APLP1: variants seen among roughly 807,000 people sequenced by gnomAD.
The protein encoded by APLP1 is amyloid beta precursor like protein 1.
A neutral mutation model predicts 84.5 loss-of-function variants in APLP1; 46 were observed. The observed-to-expected ratio is 0.54, with a 90% CI of 0.43 to 0.70. The LOEUF (loss-of-function observed/expected upper bound fraction) is 0.70. Among genes scored for constraint, APLP1 ranks in the 30% least tolerant of loss-of-function variants. APLP1 has a pLI of 0.00. For synonymous variants in APLP1, 376 were observed against 364.0 expected, an observed-to-expected ratio of 1.03 and a Z score of -0.38; for missense variants, 826 against 900.2, an observed-to-expected ratio of 0.92 and a Z score of 1.05.
In APLP1 at chr19:35,874,405, C is replaced by T. The variant is rs949568199; in HGVS notation, c.1057-99C>T. On this transcript the variant is annotated intron_variant, in intron 8 of 16. Coordinates refer to ENST00000221891, the MANE Select transcript of APLP1 (RefSeq NM_001024807.3). This position sits in a 1 kb window ranked among gnomAD's most constrained non-coding sequence, Gnocchi z 6.4. ...TCTGCCCAGGCCTGGACCCCTGGAACGCCCCCCAACCCCATGTAGCCCTGC... is the reference window on the plus strand; with the variant it reads ...TCTGCCCAGGCCTGGACCCCTGGAATGCCCCCCAACCCCATGTAGCCCTGC... 1.9e-5 allele frequency: 28 copies of T among 1,450,034 alleles called. No homozygotes were observed. The highest frequency in any genetic ancestry group is 8.4e-5 in the African/African-American group (6 of 71,770). The allele number at this position is 1,450,034 out of a possible 1,614,324, so 89.8% of individuals were successfully genotyped here.
In APLP1 at chr19:35,877,696, C is replaced by A. The variant is rs759295055; in HGVS notation, c.1445-22C>A. 36 of 1,587,452 alleles carry A rather than the reference C, an allele frequency of 2.3e-5. 1 individual carries two copies. In the Middle Eastern group the frequency reaches 1.3e-3, roughly 56 times the overall value. ...ACCCCTATGCTCACTACCTCAGCCA[C>A]CTTTCTGCATGTCCCCCTCAGAGGA... On this transcript the variant is annotated intron_variant, in intron 11 of 16. Transcript: ENST00000221891.
chr19:35,877,906 G>C, intron 12 of APLP1, 81 bp downstream of exon 12: 1 of 1,365,278 alleles, frequency 7.3e-7, no homozygotes, highest in Admixed American at 2.1e-5. Flanking sequence ...GAGTCTGAGG[G>C]TGTCTTCACC....
chr19:35,877,272 T>C (rs1974302245), intron 11 of APLP1, among the ~76,000 whole-genome samples: 1 of 152,046 alleles, frequency 6.6e-6, no homozygotes, highest in Admixed American at 6.6e-5. Context: ...GTGGATCACT[T>C]GAGGTCAGGA....
Position 35,874,552 on chromosome 19 carries a change from C to A in APLP1, c.1105C>A (p.Arg369=), listed in dbSNP as rs762575127. ...TCTGGAGGAGCAGGTGTCTGGTGAG[C>A]GACAGCGCCTGGTGGAAACCCACGC... ...QTLEEQVSGE[R]QRLVETHATR... The change falls in exon 9 of 17, where the codon CGA becomes AGA. Residue 369 remains arginine, a synonymous_variant. Coordinates refer to ENST00000221891, the MANE Select transcript of APLP1 (RefSeq NM_001024807.3). The surrounding 1 kb of genome is among the most constrained non-coding windows in gnomAD (Gnocchi z 6.4). 4.3e-6 allele frequency: 7 copies of A among 1,614,068 alleles called. No individual in the cohort carries two copies. Among genetic ancestry groups the A allele is most frequent in the African/African-American group, 1.3e-5 (1 of 74,936 alleles).
chr19:35,873,725 C>A lies in APLP1; in HGVS notation c.1056+12C>A. Reference sequence around the variant, plus strand: ...AGGCCCTGAATGAGGTAGGACAGCCCCAGTGGGTCCTACTCATGCCTGTCC... The same window carrying A: ...AGGCCCTGAATGAGGTAGGACAGCCACAGTGGGTCCTACTCATGCCTGTCC... On this transcript the variant is annotated intron_variant, in intron 8 of 16. Transcript: ENST00000221891. 1 of 1,612,378 alleles carries A rather than the reference C, an allele frequency of 6.2e-7. No homozygotes were observed. The highest frequency in any genetic ancestry group is 8.5e-7 in the Non-Finnish European group (1 of 1,178,970).
At position 35,869,781 on chromosome 19, in the gene APLP1, C is replaced by G. The variant is rs762053064; in HGVS notation, c.262C>G (p.Pro88Ala). The change falls in exon 2 of 17, where the codon CCG becomes GCG. Residue 88 changes from proline (P) to alanine (A), a missense_variant. Transcript: ENST00000221891. ...PQRSRRCLRDPQRVLEYCRQM... is the reference protein window; with the variant it reads ...PQRSRRCLRDAQRVLEYCRQM... ...GCGCTCTCGACGCTGTCTCCGGGAC[C>G]CGCAGCGCGTGCTGGAGTACTGCAG... The G allele has an allele frequency of 1.9e-6, 3 of 1,603,792 alleles. No homozygotes were observed. The highest frequency in any genetic ancestry group is 1.7e-5 in the Admixed American group (1 of 58,754).
rs1199671974 is a variant in APLP1, at chr19:35,879,776, A to G, written c.*335A>G. ...TGTTTCCCTACTAACATCCCAATAA[A>G]GTCCTCTTCCCTACCAGGCCAGTCT... On this transcript the variant is annotated 3_prime_UTR_variant, in exon 17 of 17. Transcript: ENST00000221891. 2.3e-5 allele frequency: 6 copies of G among 264,536 alleles called. No individual in the cohort carries two copies. In the East Asian group the frequency reaches 5.1e-4, roughly 22 times the overall value. The allele number at this position is 264,536 out of a possible 1,614,324, so 16.4% of individuals were successfully genotyped here. A position where few individuals can be genotyped will look rare whatever the true frequency, so the allele number is the denominator to read the frequency against.
chr19:35,878,898 G>C lies in APLP1; in HGVS notation c.1659G>C (p.Ala553=), dbSNP rs1974342676. The change falls in exon 15 of 17, where the codon GCG becomes GCC. Residue 553 remains alanine, a synonymous_variant. Transcript: ENST00000221891. ...ACCTCCTGCTCCCCCAGGTGAATGCGTCTGTTCCAAGGGGTTTCCCTTTCC... is the reference window on the plus strand; with the variant it reads ...ACCTCCTGCTCCCCCAGGTGAATGCCTCTGTTCCAAGGGGTTTCCCTTTCC... ...PLEQYERKVN[A]SVPRGFPFHS... is the part of the protein sequence containing the mutation. 1 of 1,614,096 alleles carries C rather than the reference G, an allele frequency of 6.2e-7. No homozygotes were observed. The highest frequency in any genetic ancestry group is 8.5e-7 in the Non-Finnish European group (1 of 1,180,004).
At position 35,878,662 on chromosome 19, in the gene APLP1, A is replaced by G; in HGVS notation, c.1650+8A>G. The G allele has an allele frequency of 6.2e-7, 1 of 1,614,128 alleles. No individual in the cohort carries two copies. Among genetic ancestry groups the G allele is most frequent in the Non-Finnish European group, 8.5e-7 (1 of 1,179,980 alleles). On this transcript the variant is annotated splice_region_variant and intron_variant, in intron 14 of 16. Transcript: ENST00000221891. ...GAACAGTATGAGCGAAAGGTAAGTT[A>G]GTCAGAACTGTGGGCTCCCTAAGGG...
In APLP1 at chr19:35,871,365, C is replaced by G; in HGVS notation, c.537+16C>G. ...GGCACAGGAGGTCAGGACGTTGGCC[C>G]ACCCGTCCCCAGCCCCCACAACCCA... On this transcript the variant is annotated intron_variant, in intron 4 of 16. Transcript: ENST00000221891. 1 of 1,587,492 alleles carries G rather than the reference C, an allele frequency of 6.3e-7. No individual in the cohort carries two copies. The highest frequency in any genetic ancestry group is 1.1e-5 in the South Asian group (1 of 87,818).
chr19:35,877,985 C>A, intron 12 of APLP1, 97 bp from the exon 13 acceptor site: 1 of 1,425,930 alleles, frequency 7.0e-7, no homozygotes, highest in Non-Finnish European at 9.7e-7. Context: ...GATCCCCAAT[C>A]CTCCTTCTTA....
chr19:35,871,958 G>T lies in APLP1; in HGVS notation c.772G>T (p.Val258Leu), dbSNP rs752536466. 6.2e-7 allele frequency: 1 copy of T among 1,614,136 alleles called. No individual in the cohort carries two copies. Among genetic ancestry groups the T allele is most frequent in the Non-Finnish European group, 8.5e-7 (1 of 1,180,024 alleles). The stretch of plus-strand genomic sequence containing the variant: ...CCCACAGCCAGTAGATGATTACTTC[G>T]TGGAGCCTCCGCAGGCTGAAGAGGA... The part of the protein sequence containing the change: ...SFPQPVDDYF[V>L]EPPQAEEEEE... Residue 258 changes from valine to leucine, a missense_variant, in exon 6 of 17, where the codon GTG (valine) becomes TTG (leucine). Transcript: ENST00000221891.
intron 6 of APLP1, 46 bp from the exon 7 acceptor site, chr19:35,872,436 AC>A (rs768404865): frequency 4.4e-6 from 7 of 1,591,310 alleles, no homozygotes; most frequent in Non-Finnish European, 6.0e-6. Flanking sequence ...AGAAAAGGCG[AC>A]CTGGAGGTGG....
chr19:35,876,433 T>C, intron 10 of APLP1, 84 bp from the exon 11 acceptor site: 3 of 1,223,110 alleles, frequency 2.5e-6, no homozygotes, highest in South Asian at 1.2e-5. Flanking sequence ...TCAGTCGCTA[T>C]TGAATTCCTC....
intron 2 of APLP1, chr19:35,870,495 C>T (rs938849311): frequency 4.0e-5 from 8 of 200,602 alleles, no homozygotes; most frequent in Non-Finnish European, 8.2e-5. Flanking sequence ...GCCTTGAAAA[C>T]GGACCTGGCC....
In APLP1 at chr19:35,879,160, C is replaced by T. The variant is rs1350167781; in HGVS notation, c.1800C>T (p.Ser600=). The change falls in exon 16 of 17, where the codon TCC becomes TCT. Residue 600 remains serine (S), a synonymous_variant. Transcript: ENST00000221891. ...GAGGGSLIVL[S]MLLLRRKKPY... ...GCGGAGGCTCCCTCATCGTCCTCTC[C>T]ATGCTGCTCCTGCGCAGGAAGAAGC... 1.2e-6 allele frequency: 2 copies of T among 1,612,968 alleles called. No individual in the cohort carries two copies. The highest frequency in any genetic ancestry group is 1.7e-6 in the Non-Finnish European group (2 of 1,180,010).
chr19:35,875,451 G>A (rs1974261994), intron 10 of APLP1, among the ~76,000 whole-genome samples: 1 of 151,816 alleles, frequency 6.6e-6, no homozygotes, highest in African/African-American at 2.4e-5. Flanking sequence ...TCAGCCTCCT[G>A]AGTAGCTGGG....
chr19:35,877,122 A>C (rs1974299239), intron 11 of APLP1, among the ~76,000 whole-genome samples: 1 of 152,196 alleles, frequency 6.6e-6, no homozygotes, highest in Non-Finnish European at 1.5e-5. Flanking sequence ...AGTGTGACCT[A>C]TTGCAGCCCC....
chr19:35,868,859 AG>A lies in APLP1; in HGVS notation c.147+79del. The A allele has an allele frequency of 4.9e-6, 6 of 1,215,602 alleles. No individual in the cohort carries two copies. In the East Asian group the frequency reaches 9.7e-5, roughly 20 times the overall value. 75.3% of individuals were successfully genotyped at this position (1,215,602 alleles called of 1,614,324 possible). A position where few individuals can be genotyped will look rare whatever the true frequency, so the allele number is the denominator to read the frequency against. ...TCTGGACGCCGGCGCGGACATGTCC[AG>A]GGCAGAAAGCGCGGTCTTTCCAGCC... On this transcript the variant is annotated intron_variant, in intron 1 of 16. Transcript: ENST00000221891. The surrounding 1 kb of genome is among the most constrained non-coding windows in gnomAD (Gnocchi z 5.2).
Sources: gnomAD v4.1 joint callset for allele counts (sites outside exome capture counted in the v4.1 genomes callset) on GRCh38, gnomAD v4.1.1 for gene constraint, Gnocchi (gnomAD v3.1) non-coding constraint, MANE v1.5 for transcripts, NCBI Gene and HGNC (gene_info 2026-07-23, HGNC 2026-07-21) for gene names.